GPHN: variants seen among roughly 807,000 people sequenced by gnomAD.
GPHN encodes the protein gephyrin.
In GPHN, 17 loss-of-function variants were observed where a neutral mutation model predicts 95.5. The ratio of observed to expected loss-of-function variants is 0.18; its 90% CI spans 0.12 to 0.27. The LOEUF is 0.27. Among genes scored for constraint, GPHN ranks in the 10% least tolerant of loss-of-function variants. The pLI, the probability that GPHN is intolerant of heterozygous loss-of-function variation, is 1.00. For missense variants in GPHN, 660 were observed against 978.1 expected, an observed-to-expected ratio of 0.67 and a Z score of 4.34; for synonymous variants, 320 against 322.5, an observed-to-expected ratio of 0.99 and a Z score of 0.08.
intron 1 of GPHN, among the ~76,000 whole-genome samples, chr14:66,568,070 T>C (rs1333260275): frequency 6.6e-6 from 1 of 152,224 alleles, no homozygotes; most frequent in Non-Finnish European, 1.5e-5. Flanking sequence ...AAATATTCAA[T>C]TTTTAATGCA....
intron 10 of GPHN, among the ~76,000 whole-genome samples, chr14:67,035,967 A>C (rs2074402707): frequency 6.8e-6 from 1 of 147,600 alleles, no homozygotes; most frequent in South Asian, 2.1e-4. Flanking sequence ...ATAACTGATA[A>C]AAAAAATTGA....
At chr14:67,087,865 C>G (rs1261524260) in intron 11 of GPHN, among the ~76,000 whole-genome samples, 1 of 152,092 alleles carries the variant, frequency 6.6e-6, no homozygotes, top group Non-Finnish European at 1.5e-5. Context: ...TTCTTCCTTC[C>G]TCTTCCTCTT....
intron 2 of GPHN, among the ~76,000 whole-genome samples, chr14:66,724,700 C>T (rs956379000): frequency 6.6e-6 from 1 of 152,268 alleles, no homozygotes; most frequent in Middle Eastern, 3.4e-3. Flanking sequence ...CCTTCCTACA[C>T]GTGATTTCTC....
At chr14:67,056,810 G>T (rs960070948) in intron 10 of GPHN, among the ~76,000 whole-genome samples, 3 of 148,220 alleles carry the variant, frequency 2.0e-5, no homozygotes, top group African/African-American at 5.1e-5. Flanking sequence ...CACAGTGGGG[G>T]TGGGGGGGGG....
intron 10 of GPHN, among the ~76,000 whole-genome samples, chr14:67,047,282 TCTC>T (rs1351444059): frequency 6.6e-6 from 1 of 151,900 alleles, no homozygotes; most frequent in African/African-American, 2.4e-5. Context: ...TGCTATGTTC[TCTC>T]CTATGATCAA....
chr14:67,028,399 GAGTTATATGGT>G (rs2074029958), intron 10 of GPHN, among the ~76,000 whole-genome samples: 1 of 152,148 alleles, frequency 6.6e-6, no homozygotes, highest in African/African-American at 2.4e-5. Context: ...CAGAATTGCT[GAGTTATATGGT>G]AGTTCTATTT....
intron 1 of GPHN, among the ~76,000 whole-genome samples, chr14:66,599,480 G>GT (rs1444940714): frequency 2.1e-5 from 3 of 142,132 alleles, no homozygotes; most frequent in Non-Finnish European, 4.5e-5. Flanking sequence ...AACTAAGCAG[G>GT]TTTTTTTGGA....
the GPHN span, chr14:67,225,335 T>C: frequency 9.6e-7 from 1 of 1,038,862 alleles, no homozygotes; most frequent in African/African-American, 1.7e-5. Context: ...AAAAAGTTGT[T>C]AATAAGTGGG....
Position 66,959,046 on chromosome 14 carries a change from A to T in GPHN, c.829-6145A>T, listed in dbSNP as rs568092238. ...TACAATTAACATCTTAGCTCATAAC[A>T]ATGTAGTTTGAATTAATACCAACTT... On this transcript the variant is annotated intron_variant, in intron 8 of 22. Coordinates refer to ENST00000478722, the MANE Select transcript of GPHN (RefSeq NM_020806.5). 2.0e-5 allele frequency among the ~76,000 whole-genome samples: 3 copies of T among 152,216 alleles called. No individual in the cohort carries two copies. The South Asian group carries it at 6.2e-4, about 32-fold the overall frequency.
chr14:67,205,813 A>G, the GPHN span, among the ~76,000 whole-genome samples: 1 of 152,196 alleles, frequency 6.6e-6, no homozygotes, highest in Admixed American at 6.5e-5. Context: ...TTTTTAAAAG[A>G]TTAATCTAAT....
At chr14:66,766,947 A>C (rs1307540041) in intron 2 of GPHN, among the ~76,000 whole-genome samples, 1 of 152,006 alleles carries the variant, frequency 6.6e-6, no homozygotes, top group African/African-American at 2.4e-5. Flanking sequence ...TTTTTAAAAA[A>C]ACTTAGCGTC....
the GPHN span, among the ~76,000 whole-genome samples, chr14:67,365,558 G>A: frequency 6.6e-6 from 1 of 152,214 alleles, no homozygotes; most frequent in Non-Finnish European, 1.5e-5. Context: ...CTTTCAGACA[G>A]TTTTGGATGA....
chr14:67,035,503 A>G (rs1331276857), intron 10 of GPHN, among the ~76,000 whole-genome samples: 1 of 151,780 alleles, frequency 6.6e-6, no homozygotes, highest in African/African-American at 2.4e-5. Flanking sequence ...AGCTAGACAG[A>G]CAGAAGACTC....
At chr14:66,539,234 A>G (rs971342280) in intron 1 of GPHN, among the ~76,000 whole-genome samples, 3 of 151,986 alleles carry the variant, frequency 2.0e-5, no homozygotes, top group Admixed American at 1.3e-4. Flanking sequence ...GTTTCTAGGA[A>G]GGCTTTTTTT....
chr14:67,106,456 C>A (rs2078044080), intron 13 of GPHN, among the ~76,000 whole-genome samples: 1 of 152,060 alleles, frequency 6.6e-6, no homozygotes, highest in Non-Finnish European at 1.5e-5. Context: ...TGTATGGTGT[C>A]CCATAAGTCT....
chr14:67,384,331 A>G, the GPHN span: 1 of 151,056 alleles, frequency 6.6e-6, no homozygotes, highest in African/African-American at 2.4e-5. Flanking sequence ...CCAGTTCTTT[A>G]TAACAAAACA....
the GPHN span, among the ~76,000 whole-genome samples, chr14:67,326,701 A>G: frequency 2.0e-5 from 3 of 152,180 alleles, no homozygotes; most frequent in Non-Finnish European, 4.4e-5. Context: ...TCTGTTCTAG[A>G]AGTTCATATA....
At chr14:66,583,521 C>A (rs1336193370) in intron 1 of GPHN, among the ~76,000 whole-genome samples, 1 of 152,014 alleles carries the variant, frequency 6.6e-6, no homozygotes, top group Non-Finnish European at 1.5e-5. Context: ...GGTTTTAGGT[C>A]TAACATGTAA....
At chr14:67,546,407 G>T in the GPHN span, among the ~76,000 whole-genome samples, 14 of 152,056 alleles carry the variant, frequency 9.2e-5, no homozygotes, top group African/African-American at 3.4e-4. Flanking sequence ...TTTTGTTTTT[G>T]TTTTTGTTTT....
Sources: allele counts gnomAD v4.1 joint callset (sites outside exome capture counted in the v4.1 genomes callset), GRCh38; gene constraint gnomAD v4.1.1; transcripts MANE v1.5; gene names NCBI Gene and HGNC (gene_info 2026-07-23, HGNC 2026-07-21).